HOXB1: variants seen among roughly 807,000 people sequenced by gnomAD.
HOXB1 encodes homeobox B1, also known as homeobox protein Hox-B1.
Under a neutral mutation model 26.9 loss-of-function variants are expected in HOXB1, and 13 were observed. That is an observed-to-expected ratio of 0.48 (90% CI 0.31 to 0.77). HOXB1 has a LOEUF of 0.77. Among genes scored for constraint, HOXB1 ranks in the 30% least tolerant of loss-of-function variants. The pLI is 0.04. For missense variants in HOXB1, 366 were observed against 403.6 expected (o/e 0.91, Z 0.80); for synonymous variants, 168 against 170.8 (o/e 0.98, Z 0.13).
rs376040365 is a variant in HOXB1 at position 48,529,846 on chromosome 17, G to C, written c.607C>G (p.Pro203Ala). Reference protein sequence around the residue: ...AKVSEPGLGSPSGLRTNFTTR... With the variant: ...AKVSEPGLGSASGLRTNFTTR... ...GTGAAGTTGGTGCGGAGGCCACTGG[G>C]CGAGCCCAGGCCTGGCTCTGACACC... Residue 203 changes from proline to alanine, a missense_variant, in exon 2 of 2, where the codon CCC becomes GCC. By Grantham distance (27) the Pro-to-Ala change is conservative (BLOSUM62 -1). Transcript: ENST00000239174. The C allele has an allele frequency of 3.1e-5, 50 of 1,592,144 alleles. No individual in the cohort carries two copies. The highest frequency in any genetic ancestry group is 4.2e-5 in the Non-Finnish European group (49 of 1,173,732).
Position 48,528,596 on chromosome 17 carries a change from C to T in HOXB1, c.*951G>A, listed in dbSNP as rs1598732110. On this transcript the variant is annotated 3_prime_UTR_variant, in exon 2 of 2. Coordinates refer to ENST00000239174, the MANE Select transcript of HOXB1 (RefSeq NM_002144.4). ...AGAGAGAACCCGGGCTCACTTGGGG[C>T]TCAGGTTTCCAGAAACTTAGATGGC... 1 of 152,248 alleles carries T rather than the reference C, an allele frequency of 6.6e-6. No individual in the cohort carries two copies. Among genetic ancestry groups the T allele is most frequent in the African/African-American group, 2.4e-5 (1 of 41,442 alleles). The allele number at this position is 152,248 out of a possible 1,614,324, so 9.4% of individuals were successfully genotyped here. A position where few individuals can be genotyped will look rare whatever the true frequency, so the allele number is the denominator to read the frequency against.
chr17:48,530,173 G>T lies in HOXB1; in HGVS notation c.577+155C>A. On this transcript the variant is annotated intron_variant, in intron 1 of 1. Coordinates refer to ENST00000239174, the MANE Select transcript of HOXB1 (RefSeq NM_002144.4). This position sits in a 1 kb window ranked among gnomAD's most constrained non-coding sequence, Gnocchi z 6.2. ...TGACCGGTTACATACTGGGTGGGGA[G>T]ACCTCACCTGACCTGAGACGTAGGT... 1 of 688,426 alleles carries T rather than the reference G, an allele frequency of 1.5e-6. No homozygotes were observed. Among genetic ancestry groups the T allele is most frequent in the Non-Finnish European group, 2.5e-6 (1 of 395,688 alleles). The allele number at this position is 688,426 out of a possible 1,614,324, so 42.6% of individuals were successfully genotyped here. A position where few individuals can be genotyped will look rare whatever the true frequency, so the allele number is the denominator to read the frequency against.
rs2068434544 is a variant in HOXB1, at chr17:48,530,852, C to T, written c.53G>A (p.Gly18Glu). 1 of 1,454,414 alleles carries T rather than the reference C, an allele frequency of 6.9e-7. No homozygotes were observed. Among genetic ancestry groups the T allele is most frequent in the South Asian group, 1.3e-5 (1 of 77,142 alleles). 90.1% of individuals were successfully genotyped at this position (1,454,414 alleles called of 1,614,324 possible). The change falls in exon 1 of 2, where the codon GGA (glycine) becomes GAA (glutamate). Residue 18 changes from glycine (G) to glutamate (E), a missense_variant. Transcript: ENST00000239174. The surrounding 1 kb of genome is among the most constrained non-coding windows in gnomAD (Gnocchi z 6.2). ...GCTGTGGGCGCTGTAGGCGCTGGGT[C>T]CCCGGTTACAGAGTGGGTACTCTAA... ...SFLEYPLCNRGPSAYSAHSAP... is the reference protein window; with the variant it reads ...SFLEYPLCNREPSAYSAHSAP...
rs758725882 is a variant in HOXB1, at chr17:48,529,593, G to A, written c.860C>T (p.Ser287Leu). ...KEAAGDASDQ[S>L]TCTSPEASPS... ...TGAGGCTTCCGGGGAGGTGCATGTC[G>A]ACTGGTCTGAGGCATCTCCAGCTGC... The change falls in exon 2 of 2, where the codon TCG (serine) becomes TTG (leucine). Residue 287 changes from serine (S) to leucine (L), a missense_variant. Physicochemically the swap from Ser to Leu is moderately radical, Grantham distance 145. Coordinates refer to ENST00000239174, the MANE Select transcript of HOXB1 (RefSeq NM_002144.4). The A allele has an allele frequency of 7.7e-6, 12 of 1,555,424 alleles. No individual in the cohort carries two copies. The highest frequency in any genetic ancestry group is 6.8e-5 in the East Asian group (3 of 44,182).
chr17:48,529,346 G>A lies in HOXB1; in HGVS notation c.*201C>T. The A allele has an allele frequency of 4.6e-6, 2 of 434,246 alleles. No individual in the cohort carries two copies. Among genetic ancestry groups the A allele is most frequent in the East Asian group, 3.3e-5 (1 of 29,878 alleles). The allele number at this position is 434,246 out of a possible 1,614,324, so 26.9% of individuals were successfully genotyped here. ...CCATGCCTCCCAGGCCTCTGGTCCT[G>A]TAGGGCCCCCAGCCACCCAGGTCTG... On this transcript the variant is annotated 3_prime_UTR_variant, in exon 2 of 2. Coordinates refer to ENST00000239174, the MANE Select transcript of HOXB1 (RefSeq NM_002144.4).
rs778668255 is a variant in HOXB1, at chr17:48,529,087, C to T, written c.*460G>A. ...TAATAATATGGCTGCACCCAAACACCTCCCACACAAGAAAATTTAAGGTTC... is the reference window on the plus strand; with the variant it reads ...TAATAATATGGCTGCACCCAAACACTTCCCACACAAGAAAATTTAAGGTTC... On this transcript the variant is annotated 3_prime_UTR_variant, in exon 2 of 2. Transcript: ENST00000239174. The T allele has an allele frequency of 6.5e-6, 1 of 154,064 alleles. No homozygotes were observed. The highest frequency in any genetic ancestry group is 2.4e-5 in the African/African-American group (1 of 41,446). The allele number at this position is 154,064 out of a possible 1,614,324, so 9.5% of individuals were successfully genotyped here.
Position 48,530,381 on chromosome 17 carries a change from G to A in HOXB1, c.524C>T (p.Pro175Leu). 1 of 1,614,142 alleles carries A rather than the reference G, an allele frequency of 6.2e-7. No individual in the cohort carries two copies. The highest frequency in any genetic ancestry group is 8.5e-7 in the Non-Finnish European group (1 of 1,180,016). ...ETPCPSEPNT[P>L]TARTFDWMKV... is the part of the protein sequence containing the mutation. ...CATCCAGTCGAAGGTCCGGGCCGTG[G>A]GGGTGTTAGGTTCTGAAGGGCAGGG... is the stretch of plus-strand genomic sequence containing the variant. The change falls in exon 1 of 2, where the codon CCC (proline) becomes CTC (leucine). Residue 175 changes from proline to leucine, a missense_variant. By Grantham distance (98) the Pro-to-Leu change is moderately conservative (BLOSUM62 -3). Coordinates refer to ENST00000239174, the MANE Select transcript of HOXB1 (RefSeq NM_002144.4). This position sits in a 1 kb window ranked among gnomAD's most constrained non-coding sequence, Gnocchi z 6.2.
chr17:48,530,435 G>C lies in HOXB1; in HGVS notation c.470C>G (p.Ala157Gly). Reference sequence around the variant, plus strand: ...TTCCTTGTCCTCGGAGAGGAGATCAGCATAGGCCGGTGCAAAGCTCGCGGT... The same window carrying C: ...TTCCTTGTCCTCGGAGAGGAGATCACCATAGGCCGGTGCAAAGCTCGCGGT... ...EQTASFAPAY[A>G]DLLSEDKETP... Residue 157 changes from alanine (A) to glycine (G), a missense_variant, in exon 1 of 2, where the codon GCT becomes GGT. Transcript: ENST00000239174. The surrounding 1 kb of genome is among the most constrained non-coding windows in gnomAD (Gnocchi z 6.2). 6.2e-7 allele frequency: 1 copy of C among 1,614,174 alleles called. No homozygotes were observed. Among genetic ancestry groups the C allele is most frequent in the South Asian group, 1.1e-5 (1 of 91,088 alleles).
In HOXB1 at chr17:48,530,434, A is replaced by T. The variant is rs763085933; in HGVS notation, c.471T>A (p.Ala157=). 6.2e-6 allele frequency: 10 copies of T among 1,614,150 alleles called. No homozygotes were observed. The highest frequency in any genetic ancestry group is 1.7e-5 in the Admixed American group (1 of 60,020). Residue 157 remains alanine, a synonymous_variant, in exon 1 of 2, where the codon GCT becomes GCA. Transcript: ENST00000239174. This position sits in a 1 kb window ranked among gnomAD's most constrained non-coding sequence, Gnocchi z 6.2. ...TTTCCTTGTCCTCGGAGAGGAGATCAGCATAGGCCGGTGCAAAGCTCGCGG... is the reference window on the plus strand; with the variant it reads ...TTTCCTTGTCCTCGGAGAGGAGATCTGCATAGGCCGGTGCAAAGCTCGCGG... ...EQTASFAPAY[A]DLLSEDKETP...
rs906427847 is a variant in HOXB1, at chr17:48,530,152, C to T, written c.577+176G>A. The T allele has an allele frequency of 9.2e-6, 6 of 649,084 alleles. No individual in the cohort carries two copies. Among genetic ancestry groups the T allele is most frequent in the East Asian group, 5.5e-5 (2 of 36,688 alleles). The allele number at this position is 649,084 out of a possible 1,614,324, so 40.2% of individuals were successfully genotyped here. ...TATGGAAACTTACTCCTGGGGTGAC[C>T]GGTTACATACTGGGTGGGGAGACCT... is the stretch of plus-strand genomic sequence containing the variant. On this transcript the variant is annotated intron_variant, in intron 1 of 1. Coordinates refer to ENST00000239174, the MANE Select transcript of HOXB1 (RefSeq NM_002144.4). The surrounding 1 kb of genome is among the most constrained non-coding windows in gnomAD (Gnocchi z 6.2).
Position 48,530,877 on chromosome 17 carries a change from A to G in HOXB1, c.28T>C (p.Leu10=). 6 of 1,535,346 alleles carry G rather than the reference A, an allele frequency of 3.9e-6. No individual in the cohort carries two copies. The highest frequency in any genetic ancestry group is 2.8e-5 in the African/African-American group (2 of 72,190). The change falls in exon 1 of 2, where the codon TTA becomes CTA. Residue 10 remains leucine (L), a synonymous_variant. Coordinates refer to ENST00000239174, the MANE Select transcript of HOXB1 (RefSeq NM_002144.4). The surrounding 1 kb of genome is among the most constrained non-coding windows in gnomAD (Gnocchi z 6.2). MDYNRMNSF[L]EYPLCNRGPS... is the part of the protein sequence containing the mutation. ...CCCCGGTTACAGAGTGGGTACTCTAAGAAGGAGTTCATCCTATTATAGTCC... is the reference window on the plus strand; with the variant it reads ...CCCCGGTTACAGAGTGGGTACTCTAGGAAGGAGTTCATCCTATTATAGTCC...
Position 48,529,892 on chromosome 17 carries a change from G to C in HOXB1, c.578-17C>G, listed in dbSNP as rs759141864. The C allele has an allele frequency of 6.5e-7, 1 of 1,550,006 alleles. No homozygotes were observed. Among genetic ancestry groups the C allele is most frequent in the African/African-American group, 1.4e-5 (1 of 73,468 alleles). ...ACACCTTCGCTAGGGGCGGGGCAGG[G>C]AGAAAGGCCAGGTCAATTCTCTCAC... On this transcript the variant is annotated splice_polypyrimidine_tract_variant and intron_variant, in intron 1 of 1. Coordinates refer to ENST00000239174, the MANE Select transcript of HOXB1 (RefSeq NM_002144.4).
At position 48,529,585 on chromosome 17, in the gene HOXB1, T is replaced by C; in HGVS notation, c.868A>G (p.Thr290Ala). 6.5e-7 allele frequency: 1 copy of C among 1,543,866 alleles called. No homozygotes were observed. The highest frequency in any genetic ancestry group is 1.2e-5 in the South Asian group (1 of 80,152). ...GAGCTGGGTGAGGCTTCCGGGGAGG[T>C]GCATGTCGACTGGTCTGAGGCATCT... ...AGDASDQSTC[T>A]SPEASPSSVT... The change falls in exon 2 of 2, where the codon ACC (threonine) becomes GCC (alanine). Residue 290 changes from threonine to alanine, a missense_variant. Transcript: ENST00000239174.
rs1396751931 is a variant in HOXB1 at position 48,529,772 on chromosome 17, G to T, written c.681C>A (p.Tyr227Ter). ...ELEKEFHFNK[Y>*]LSRARRVEIA... ...TCTCCACCCTCCGGGCCCGGCTCAG[G>T]TACTTGTTGAAATGGAACTCCTTTT... is the stretch of plus-strand genomic sequence containing the variant. Residue 227 changes from tyrosine to a stop codon, truncating the protein, a stop_gained, in exon 2 of 2, where the codon TAC (tyrosine) becomes TAA (stop). Coordinates refer to ENST00000239174, the MANE Select transcript of HOXB1 (RefSeq NM_002144.4). LOFTEE classifies it high-confidence loss of function. The T allele has an allele frequency of 6.2e-7, 1 of 1,608,148 alleles. No homozygotes were observed. The highest frequency in any genetic ancestry group is 8.5e-7 in the Non-Finnish European group (1 of 1,179,898).
In HOXB1 at chr17:48,529,483, C is replaced by A; in HGVS notation, c.*64G>T. 1 of 1,310,920 alleles carries A rather than the reference C, an allele frequency of 7.6e-7. No homozygotes were observed. The highest frequency in any genetic ancestry group is 1.0e-6 in the Non-Finnish European group (1 of 967,484). 81.2% of individuals were successfully genotyped at this position (1,310,920 alleles called of 1,614,324 possible). ...AGCCCAGGCCTGGGGTTGGGGAGAG[C>A]CTGGGATAGGGCTGGACTGGGGCGC... On this transcript the variant is annotated 3_prime_UTR_variant, in exon 2 of 2. Coordinates refer to ENST00000239174, the MANE Select transcript of HOXB1 (RefSeq NM_002144.4).
intron 1 of HOXB1, 115 bp from the exon 2 acceptor site, chr17:48,529,990 T>A: frequency 1.1e-6 from 1 of 922,388 alleles, no homozygotes; most frequent in Non-Finnish European, 1.6e-6. Flanking sequence ...CCAAGTACAG[T>A]TGTCAAAGTT....
chr17:48,529,578 G>C lies in HOXB1; in HGVS notation c.875C>G (p.Pro292Arg). ...DASDQSTCTS[P>R]EASPSSVTS ...GGTGACAGAGCTGGGTGAGGCTTCCGGGGAGGTGCATGTCGACTGGTCTGA... is the reference window on the plus strand; with the variant it reads ...GGTGACAGAGCTGGGTGAGGCTTCCCGGGAGGTGCATGTCGACTGGTCTGA... The change falls in exon 2 of 2, where the codon CCG becomes CGG. Residue 292 changes from proline to arginine, a missense_variant. Transcript: ENST00000239174. 3 of 1,540,188 alleles carry C rather than the reference G, an allele frequency of 1.9e-6. No homozygotes were observed. Among genetic ancestry groups the C allele is most frequent in the Non-Finnish European group, 2.6e-6 (3 of 1,141,580 alleles).
Position 48,529,358 on chromosome 17 carries a change from G to A in HOXB1, c.*189C>T, listed in dbSNP as rs1368992874. The A allele has an allele frequency of 4.5e-6, 2 of 444,120 alleles. No homozygotes were observed. Among genetic ancestry groups the A allele is most frequent in the Non-Finnish European group, 7.8e-6 (2 of 256,600 alleles). The allele number at this position is 444,120 out of a possible 1,614,324, so 27.5% of individuals were successfully genotyped here. On this transcript the variant is annotated 3_prime_UTR_variant, in exon 2 of 2. Transcript: ENST00000239174. ...GGCCTCTGGTCCTGTAGGGCCCCCA[G>A]CCACCCAGGTCTGAGAAAAATGTTT...
rs776959017 is a variant in HOXB1 at position 48,530,284 on chromosome 17, A to C, written c.577+44T>G. ...ACATGTCACTGCAGGGGAAGCAGAG[A>C]TGCTTTGGGCCCCGGAGAAGGGGTG... On this transcript the variant is annotated intron_variant, in intron 1 of 1. Coordinates refer to ENST00000239174, the MANE Select transcript of HOXB1 (RefSeq NM_002144.4). The surrounding 1 kb of genome is among the most constrained non-coding windows in gnomAD (Gnocchi z 6.2). 1 of 1,521,656 alleles carries C rather than the reference A, an allele frequency of 6.6e-7. No homozygotes were observed. Among genetic ancestry groups the C allele is most frequent in the Non-Finnish European group, 9.0e-7 (1 of 1,105,580 alleles). The allele number at this position is 1,521,656 out of a possible 1,614,324, so 94.3% of individuals were successfully genotyped here. A position where few individuals can be genotyped will look rare whatever the true frequency, so the allele number is the denominator to read the frequency against.
Sources: gnomAD v4.1 joint callset for allele counts on GRCh38, gnomAD v4.1.1 for gene constraint, Gnocchi (gnomAD v3.1) non-coding constraint, MANE v1.5 for transcripts, NCBI Gene and HGNC (gene_info 2026-07-23, HGNC 2026-07-21) for gene names.